SYNE1: variants seen among roughly 807,000 people sequenced by gnomAD.
SYNE1 encodes the protein nesprin-1.
A neutral mutation model predicts 1,111.0 loss-of-function variants in SYNE1; 616 were observed. That is an observed-to-expected ratio of 0.55 (90% CI 0.52 to 0.59). The LOEUF is 0.59. Ranked by LOEUF, SYNE1 falls within the 20% of genes least tolerant of loss-of-function variation. SYNE1 has a pLI of 0.00. For synonymous variants in SYNE1, 3,855 were observed against 3,825.8 expected (o/e 1.01, Z -0.28); for missense variants, 10,006 against 10,417.0 (o/e 0.96, Z 1.72).
intron 5 of SYNE1, 37 bp from the exon 6 acceptor site, chr6:152,520,579 A>G: frequency 5.0e-6 from 8 of 1,598,754 alleles, no homozygotes; most frequent in Non-Finnish European, 6.9e-6. Context: ...ATGAGACAAA[A>G]TCTGCATATT....
rs1306208745 is a variant in SYNE1, at chr6:152,606,976, CTCTTTTT to C, written c.67+21282_67+21288del. ...GCAAAAGGAAAGGCATGCCTCGGTTCTCTTTTTTTTTTTTTTTTTTTTTTTTGAGACG... is the reference window on the plus strand; with the variant it reads ...GCAAAAGGAAAGGCATGCCTCGGTTCTTTTTTTTTTTTTTTTTTTGAGACG... On this transcript the variant is annotated intron_variant, in intron 3 of 145. Transcript: ENST00000367255. Among the ~76,000 whole-genome samples the C allele has an allele frequency of 5.8e-3, 634 of 109,120 alleles. 20 individuals carry two copies. Among genetic ancestry groups the C allele is most frequent in the African/African-American group, 0.023 (610 of 26,796 alleles). The allele number at this position is 109,120 out of a possible 152,430, so 71.6% of individuals were successfully genotyped here.
intron 3 of SYNE1, among the ~76,000 whole-genome samples, chr6:152,591,844 T>C (rs1337121048): frequency 6.6e-6 from 1 of 150,722 alleles, no homozygotes; most frequent in African/African-American, 2.5e-5. Flanking sequence ...AAAAACCCCA[T>C]TAAAAAATGG....
Position 152,329,712 on chromosome 6 carries a change from A to C in SYNE1, c.14955+18T>G. 1 of 1,614,202 alleles carries C rather than the reference A, an allele frequency of 6.2e-7. No homozygotes were observed. The highest frequency in any genetic ancestry group is 8.5e-7 in the Non-Finnish European group (1 of 1,180,038). ...AAGCAGAGTGGAAAAAAGAGAAGTGAAGTCCTATTATACCCACCTGTCTGG... is the reference window on the plus strand; with the variant it reads ...AAGCAGAGTGGAAAAAAGAGAAGTGCAGTCCTATTATACCCACCTGTCTGG... On this transcript the variant is annotated intron_variant, in intron 78 of 145. Transcript: ENST00000367255.
chr6:152,368,641 T>C lies in SYNE1; in HGVS notation c.9807+331A>G, dbSNP rs1201631839. The C allele has an allele frequency of 1.2e-5, 3 of 257,894 alleles. No individual in the cohort carries two copies. The South Asian group carries it at 1.8e-4, about 15-fold the overall frequency. The allele number at this position is 257,894 out of a possible 1,614,324, so 16.0% of individuals were successfully genotyped here. A position where few individuals can be genotyped will look rare whatever the true frequency, so the allele number is the denominator to read the frequency against. The stretch of plus-strand genomic sequence containing the variant: ...GGATTATTTAGAACAAAAAAAATCA[T>C]GTTTATGATTTGAGTCTTCCAAATC... On this transcript the variant is annotated intron_variant, in intron 61 of 145. Transcript: ENST00000367255.
Position 152,321,891 on chromosome 6 carries a change from A to G in SYNE1, c.15918-5T>C. 1 of 1,614,058 alleles carries G rather than the reference A, an allele frequency of 6.2e-7. No individual in the cohort carries two copies. Among genetic ancestry groups the G allele is most frequent in the Non-Finnish European group, 8.5e-7 (1 of 1,179,962 alleles). Reference sequence around the variant, plus strand: ...GTCTTCACTTTCTCCTGCATGCTTCAGAAACATTACAGGGATAAAACAGAA... The same window carrying G: ...GTCTTCACTTTCTCCTGCATGCTTCGGAAACATTACAGGGATAAAACAGAA... On this transcript the variant is annotated splice_region_variant and splice_polypyrimidine_tract_variant and intron_variant, in intron 82 of 145. Transcript: ENST00000367255.
rs1422917611 is a variant in SYNE1, at chr6:152,458,134, T to C, written c.2568+623A>G. Among the ~76,000 whole-genome samples, 3 of 152,206 alleles carry C rather than the reference T, an allele frequency of 2.0e-5. No individual in the cohort carries two copies. In the East Asian group the frequency reaches 5.8e-4, roughly 29 times the overall value. On this transcript the variant is annotated intron_variant, in intron 22 of 145. Transcript: ENST00000367255. ...TTTAATGTAAATAAATTCTTATCTG[T>C]ATTTTTAAAAGGATAGACTATATGT...
At chr6:152,369,151 A>AT in intron 60 of SYNE1, 24 bp from the exon 61 acceptor site, 10 of 1,610,772 alleles carry the variant, frequency 6.2e-6, no homozygotes, top group Non-Finnish European at 8.5e-6. Context: ...GCAAGTTACT[A>AT]TTCAGAGGCT....
intron 98 of SYNE1, among the ~76,000 whole-genome samples, chr6:152,274,515 T>A (rs2093441208): frequency 6.6e-6 from 1 of 152,000 alleles, no homozygotes; most frequent in Non-Finnish European, 1.5e-5. Flanking sequence ...TTTGGTTACT[T>A]TTTTGGGGGT....
In SYNE1 at chr6:152,218,046, C is replaced by T. The variant is rs1408462; in HGVS notation, c.22191+211G>A. On this transcript the variant is annotated intron_variant, in intron 121 of 145. Transcript: ENST00000367255. ...CTCGTCTCTACTAAAAATACAAAAACTAGCCAGGAGTGGTGGCGTGCCCCT... is the reference window on the plus strand; with the variant it reads ...CTCGTCTCTACTAAAAATACAAAAATTAGCCAGGAGTGGTGGCGTGCCCCT... Among the ~76,000 whole-genome samples, 75,450 of 151,666 alleles carry T rather than the reference C, an allele frequency of 0.5. 19,382 individuals are homozygous for T. Among genetic ancestry groups the T allele is most frequent in the East Asian group, 0.74 (3,816 of 5,154 alleles).
At chr6:152,428,106 C>G (rs1327224383) in intron 37 of SYNE1, 99 bp downstream of exon 37, 1 of 1,515,116 alleles carries the variant, frequency 6.6e-7, no homozygotes, top group East Asian at 2.3e-5. Context: ...AAGTTCACGT[C>G]TTTTGCATCT....
intron 115 of SYNE1, among the ~76,000 whole-genome samples, chr6:152,226,559 T>C (rs2081614929): frequency 6.6e-6 from 1 of 152,208 alleles, no homozygotes; most frequent in African/African-American, 2.4e-5. Flanking sequence ...TGTTCAAGAA[T>C]GAAAAGCAAA....
rs1249723629 is a variant in SYNE1 at position 152,430,219 on chromosome 6, T to C, written c.4690-9A>G. ...GACACAGATTGCTGGATCTAAAACATTGGTGCAATATAAAAATAACAGTGG... is the reference window on the plus strand; with the variant it reads ...GACACAGATTGCTGGATCTAAAACACTGGTGCAATATAAAAATAACAGTGG... On this transcript the variant is annotated splice_polypyrimidine_tract_variant and intron_variant, in intron 35 of 145. Transcript: ENST00000367255. 6.3e-7 allele frequency: 1 copy of C among 1,588,144 alleles called. No individual in the cohort carries two copies.
intron 118 of SYNE1, 123 bp downstream of exon 118, chr6:152,221,303 A>C: frequency 7.7e-7 from 1 of 1,293,528 alleles, no homozygotes; most frequent in South Asian, 1.3e-5. Flanking sequence ...TCATGTTGTG[A>C]AAGAGAAGTT....
chr6:152,204,734 T>C (rs1227980119), intron 126 of SYNE1, among the ~76,000 whole-genome samples: 1 of 152,204 alleles, frequency 6.6e-6, no homozygotes, highest in African/African-American at 2.4e-5. Flanking sequence ...TTTTATGACG[T>C]GAATTATAAG....
In SYNE1 at chr6:152,152,148, C is replaced by T; in HGVS notation, c.24130-7G>A. 1 of 1,613,624 alleles carries T rather than the reference C, an allele frequency of 6.2e-7. No individual in the cohort carries two copies. Among genetic ancestry groups the T allele is most frequent in the African/African-American group, 1.3e-5 (1 of 75,036 alleles). On this transcript the variant is annotated splice_polypyrimidine_tract_variant and splice_region_variant and intron_variant, in intron 133 of 145. Transcript: ENST00000367255. ...GGACCTGTCGCTGGAAAGCCTAAGGCCACAGAGAAGCATATCAGTGTGAGA... is the reference window on the plus strand; with the variant it reads ...GGACCTGTCGCTGGAAAGCCTAAGGTCACAGAGAAGCATATCAGTGTGAGA...
Position 152,291,999 on chromosome 6 carries a change from T to C in SYNE1, c.18012+1589A>G, listed in dbSNP as rs2094628437. Among the ~76,000 whole-genome samples, 3 of 152,032 alleles carry C rather than the reference T, an allele frequency of 2.0e-5. No individual in the cohort carries two copies. In the South Asian group the frequency reaches 6.2e-4, roughly 32 times the overall value. ...AGCTCTCTGGCTCCTTCCAGTACAG[T>C]GAAGCAGAGGTGCAGGGAACAGCTG... On this transcript the variant is annotated intron_variant, in intron 95 of 145. Coordinates refer to ENST00000367255, the MANE Select transcript of SYNE1 (RefSeq NM_182961.4).
chr6:152,322,369 A>AG (rs146239564), intron 82 of SYNE1, among the ~76,000 whole-genome samples: 7,611 of 152,298 alleles, frequency 0.05, 220 homozygotes, highest in African/African-American at 0.085. Context: ...AAAAAGTGTT[A>AG]GGTTACCTTG....
rs191152638 is a variant in SYNE1, at chr6:152,414,314, C to T, written c.6051-783G>A. On this transcript the variant is annotated intron_variant, in intron 41 of 145. Transcript: ENST00000367255. ...GTCTCAGCTATTTGGGAGGCTGAGG[C>T]TGGAGGATCATGTGAGCCCAAAAGT... Among the ~76,000 whole-genome samples the T allele has an allele frequency of 3.7e-3, 567 of 152,048 alleles. 3 individuals carry two copies. Among genetic ancestry groups the T allele is most frequent in the African/African-American group, 0.011 (450 of 41,484 alleles).
intron 28 of SYNE1, among the ~76,000 whole-genome samples, chr6:152,449,124 G>C (rs1267342905): frequency 1.3e-5 from 2 of 152,204 alleles, no homozygotes; most frequent in Non-Finnish European, 2.9e-5. Context: ...ATGTCACATA[G>C]AAAGGATGCC....
Sources: allele counts gnomAD v4.1 joint callset (sites outside exome capture counted in the v4.1 genomes callset), GRCh38; gene constraint gnomAD v4.1.1; transcripts MANE v1.5; gene names NCBI Gene and HGNC (gene_info 2026-07-23, HGNC 2026-07-21).